The following EYS variants were observed in gnomAD, a reference collection of about 807,000 sequenced individuals.
The protein encoded by EYS is EGF-like photoreceptor maintenance factor.
Under a neutral mutation model 282.1 loss-of-function variants are expected in EYS, and 250 were observed. The observed-to-expected ratio is 0.89, with a 90% CI of 0.80 to 0.98. EYS has a LOEUF of 0.98. Ranked by LOEUF, EYS falls within the 50% of genes least tolerant of loss-of-function variation. The pLI, the probability that EYS is intolerant of heterozygous loss-of-function variation, is 0.00. For missense variants in EYS, 4,016 were observed against 3,709.0 expected (o/e 1.08, Z -2.15); for synonymous variants, 1,355 against 1,282.9 (o/e 1.06, Z -1.20).
chr6:64,462,161 C>G (rs1010472440), intron 26 of EYS, among the ~76,000 whole-genome samples: 3 of 152,114 alleles, frequency 2.0e-5, no homozygotes, highest in Admixed American at 6.5e-5. Context: ...ACCTACTTCA[C>G]AATTTTATTG....
At chr6:64,398,647 C>T (rs529557950) in intron 28 of EYS, among the ~76,000 whole-genome samples, 3 of 151,794 alleles carry the variant, frequency 2.0e-5, no homozygotes, top group African/African-American at 7.2e-5. Context: ...ACAGTGAAAT[C>T]ATGTCTATGA....
At chr6:64,312,994 C>G (rs1255846866) in intron 29 of EYS, among the ~76,000 whole-genome samples, 1 of 152,186 alleles carries the variant, frequency 6.6e-6, no homozygotes, top group Non-Finnish European at 1.5e-5. Context: ...GATCACAACT[C>G]CTTGCAGCAA....
chr6:65,488,100 T>C (rs1419381229), intron 5 of EYS, among the ~76,000 whole-genome samples: 3 of 152,162 alleles, frequency 2.0e-5, no homozygotes, highest in Non-Finnish European at 4.4e-5. Flanking sequence ...GGTATATCTA[T>C]TTTGTTGATC....
At chr6:64,425,217 T>C (rs1471800138) in intron 28 of EYS, among the ~76,000 whole-genome samples, 3 of 152,132 alleles carry the variant, frequency 2.0e-5, no homozygotes, top group African/African-American at 7.2e-5. Flanking sequence ...CTGGATTTTA[T>C]TTTCAGAGTA....
chr6:65,153,462 T>G (rs556714996), intron 12 of EYS, among the ~76,000 whole-genome samples: 1 of 151,482 alleles, frequency 6.6e-6, no homozygotes, highest in South Asian at 2.1e-4. Context: ...TAGATAAATA[T>G]TATGCCTATC....
At chr6:65,388,976 C>T (rs923256592) in intron 7 of EYS, among the ~76,000 whole-genome samples, 1 of 152,028 alleles carries the variant, frequency 6.6e-6, no homozygotes, top group Non-Finnish European at 1.5e-5. Context: ...CTTAAATATA[C>T]ATCCACAATC....
intron 35 of EYS, among the ~76,000 whole-genome samples, chr6:63,868,688 A>T (rs1407016731): frequency 6.6e-6 from 1 of 152,220 alleles, no homozygotes; most frequent in African/African-American, 2.4e-5. Flanking sequence ...TATGCAAATG[A>T]GATCCCAAGT....
At chr6:64,390,200 G>T (rs1343579592) in intron 28 of EYS, among the ~76,000 whole-genome samples, 1 of 152,088 alleles carries the variant, frequency 6.6e-6, no homozygotes, top group East Asian at 1.9e-4. Context: ...CTGGGGGAGG[G>T]GTGCCCGCCA....
At chr6:65,343,106 T>C (rs1770260508) in intron 10 of EYS, among the ~76,000 whole-genome samples, 1 of 151,226 alleles carries the variant, frequency 6.6e-6, no homozygotes. Context: ...TAAACATATA[T>C]CAAAATATAT....
At position 65,296,014 on chromosome 6, in the gene EYS, C is replaced by G. The variant is rs148411571; in HGVS notation, c.1872G>C (p.Ser624=). The change falls in exon 12 of 43, where the codon TCG becomes TCC. Residue 624 remains serine, a synonymous_variant. Transcript: ENST00000503581. The part of the protein sequence containing the change: ...ISVHGLCLAL[S]HNCNCSGLQR... ...GCAGACCGCTACAGTTACAATTGTG[C>G]GAAAGGGCCAGGCAGAGGCCATGCA... 1.3e-6 allele frequency: 2 copies of G among 1,551,116 alleles called. No homozygotes were observed. The highest frequency in any genetic ancestry group is 1.2e-5 in the South Asian group (1 of 84,048).
intron 2 of EYS, among the ~76,000 whole-genome samples, chr6:65,619,432 A>G (rs1766375925): frequency 6.6e-6 from 1 of 152,148 alleles, no homozygotes; most frequent in Non-Finnish European, 1.5e-5. Context: ...GAAGTTGTTT[A>G]TCAGCTTTAG....
In EYS at chr6:64,091,370, A is replaced by G. The variant is rs371909177; in HGVS notation, c.6425-9368T>C. On this transcript the variant is annotated intron_variant, in intron 31 of 42. Transcript: ENST00000503581. ...CTGTTGTTCTAAAATTTCTTCCCTCACCCCCAGATTAACCTTTCCCAGAGA... is the reference window on the plus strand; with the variant it reads ...CTGTTGTTCTAAAATTTCTTCCCTCGCCCCCAGATTAACCTTTCCCAGAGA... 2.6e-5 allele frequency among the ~76,000 whole-genome samples: 4 copies of G among 151,790 alleles called. No homozygotes were observed. The East Asian group carries it at 7.7e-4, about 29-fold the overall frequency.
chr6:64,016,455 T>A (rs907555147), intron 33 of EYS, among the ~76,000 whole-genome samples: 1 of 151,860 alleles, frequency 6.6e-6, no homozygotes, highest in African/African-American at 2.4e-5. Flanking sequence ...AGCTCCAGAA[T>A]CTATGCTATT....
intron 27 of EYS, among the ~76,000 whole-genome samples, chr6:64,437,872 AATAAGGT>A (rs3046631): frequency 0.027 from 4,111 of 151,708 alleles, 59 homozygotes; most frequent in Middle Eastern, 0.062. Flanking sequence ...CTATTTAAAT[AATAAGGT>A]ATAACTCATC....
In EYS at chr6:64,590,972, G is replaced by C; in HGVS notation, c.4895C>G (p.Ser1632Cys). The change falls in exon 26 of 43, where the codon TCT becomes TGT. Residue 1632 changes from serine (S) to cysteine (C), a missense_variant. Physicochemically the swap from Ser to Cys is moderately radical, Grantham distance 112 (BLOSUM62 -1). Coordinates refer to ENST00000503581, the MANE Select transcript of EYS (RefSeq NM_001142800.2). ...AFTEVPSLFPSKKSAKRTILS... is the reference protein window; with the variant it reads ...AFTEVPSLFPCKKSAKRTILS... ...AATTGTTCTTTTTGCACTCTTTTTAGAAGGAAATAAAGATGGCACTTCTGT... is the reference window on the plus strand; with the variant it reads ...AATTGTTCTTTTTGCACTCTTTTTACAAGGAAATAAAGATGGCACTTCTGT... The C allele has an allele frequency of 6.4e-7, 1 of 1,551,200 alleles. No individual in the cohort carries two copies. Among genetic ancestry groups the C allele is most frequent in the South Asian group, 1.2e-5 (1 of 84,054 alleles).
chr6:64,676,289 A>T (rs994306147), intron 22 of EYS, among the ~76,000 whole-genome samples: 4 of 146,938 alleles, frequency 2.7e-5, no homozygotes, highest in Admixed American at 6.9e-5. Context: ...AAAGTTTCCA[A>T]TATATCTATA....
chr6:65,119,414 T>G (rs1192416039), intron 12 of EYS, among the ~76,000 whole-genome samples: 1 of 152,152 alleles, frequency 6.6e-6, no homozygotes, highest in East Asian at 1.9e-4. Flanking sequence ...AACTGGTGAC[T>G]GCAGGGTTTC....
chr6:65,494,986 C>T lies in EYS; in HGVS notation c.425G>A (p.Ser142Asn). The change falls in exon 4 of 43, where the codon AGT becomes AAT. Residue 142 changes from serine (S) to asparagine (N), a missense_variant. Transcript: ENST00000503581. ...TGTGATAAAATAATGTGTCCCAACA[C>T]TCAGCCACTTAGAATTAACAGTGTG... ...GMHTVNSKWL[S>N]VGTHYFITVM... 6.2e-7 allele frequency: 1 copy of T among 1,614,232 alleles called. No individual in the cohort carries two copies.
At chr6:64,268,453 G>T (rs150220447) in intron 30 of EYS, among the ~76,000 whole-genome samples, 2 of 152,012 alleles carry the variant, frequency 1.3e-5, no homozygotes, top group East Asian at 1.9e-4. Context: ...TTACATATAT[G>T]ATTTACATAA....
Sources: allele counts gnomAD v4.1 joint callset (sites outside exome capture counted in the v4.1 genomes callset), GRCh38; gene constraint gnomAD v4.1.1; transcripts MANE v1.5; gene names NCBI Gene and HGNC (gene_info 2026-07-23, HGNC 2026-07-21).